Variants in RXRA observed in about 807,000 individuals in gnomAD.
RXRA encodes the protein retinoic acid receptor RXR-alpha.
Under a neutral mutation model 44.5 loss-of-function variants are expected in RXRA, and 5 were observed. That is an observed-to-expected ratio of 0.11 (90% CI 0.06 to 0.24). The LOEUF (loss-of-function observed/expected upper bound fraction) is 0.24, where lower values mean the gene tolerates loss of function less well. Among genes scored for constraint, RXRA ranks in the 10% least tolerant of loss-of-function variants. The probability of loss-of-function intolerance (pLI) is 1.00; values close to 1 mark genes in which losing one functional copy is unlikely to be tolerated. For missense variants in RXRA, 412 were observed against 646.5 expected (o/e 0.64, Z 3.93); for synonymous variants, 291 against 271.4 (o/e 1.07, Z -0.71).
intron 1 of RXRA, among the ~76,000 whole-genome samples, chr9:134,338,146 T>C (rs1179570625): frequency 1.3e-5 from 2 of 152,008 alleles, no homozygotes; most frequent in African/African-American, 4.8e-5. Context: ...GGGACAGAGG[T>C]GTCAGGAGCC....
intron 1 of RXRA, among the ~76,000 whole-genome samples, chr9:134,367,454 G>A (rs1830428755): frequency 6.6e-6 from 1 of 152,236 alleles, no homozygotes; most frequent in Admixed American, 6.5e-5. Flanking sequence ...CCCACATGCA[G>A]GGACGACGTG....
chr9:134,396,966 G>C (rs1830889312), intron 1 of RXRA, among the ~76,000 whole-genome samples: 1 of 152,160 alleles, frequency 6.6e-6, no homozygotes, highest in Non-Finnish European at 1.5e-5. Context: ...GAGTCCTGAG[G>C]GCTCACCCCC....
intron 1 of RXRA, among the ~76,000 whole-genome samples, chr9:134,387,505 T>C (rs1437730648): frequency 6.6e-6 from 1 of 152,204 alleles, no homozygotes; most frequent in Non-Finnish European, 1.5e-5. Flanking sequence ...AATTTGTAAA[T>C]ATTTAGCCCA....
rs776294604 is a variant in RXRA at position 134,417,241 on chromosome 9, G to A, written c.694G>A (p.Val232Met). The change falls in exon 5 of 10, where the codon GTG (valine) becomes ATG (methionine). Residue 232 changes from valine to methionine, a missense_variant. Physicochemically the swap from Val to Met is conservative, Grantham distance 21. This residue lies in a region of RXRA where 67 missense variants were observed against 78.7 expected (regional missense o/e 0.85). Coordinates refer to ENST00000481739, the MANE Select transcript of RXRA (RefSeq NM_002957.6). This position sits in a 1 kb window ranked among gnomAD's most constrained non-coding sequence, Gnocchi z 6.1. ...CAGCAGCGCCAACGAGGACATGCCG[G>A]TGGAGAGGATCCTGGAGGCTGAGCT... ...STSSANEDMP[V>M]ERILEAELAV... The A allele has an allele frequency of 3.1e-6, 5 of 1,613,852 alleles. No individual in the cohort carries two copies. Among genetic ancestry groups the A allele is most frequent in the Non-Finnish European group, 4.2e-6 (5 of 1,179,980 alleles).
intron 6 of RXRA, chr9:134,424,245 C>T: frequency 5.1e-6 from 5 of 985,408 alleles, no homozygotes; most frequent in Non-Finnish European, 6.0e-6. Flanking sequence ...CTTCCCTTAG[C>T]CCAGAGCCCT....
At chr9:134,423,445 G>C in intron 6 of RXRA, 1 of 985,454 alleles carries the variant, frequency 1.0e-6, no homozygotes, top group Non-Finnish European at 1.2e-6. Flanking sequence ...AGCCAGAGAC[G>C]GGCTCCCTGT....
chr9:134,393,938 C>T (rs1588284069), intron 1 of RXRA, among the ~76,000 whole-genome samples: 1 of 152,038 alleles, frequency 6.6e-6, no homozygotes, highest in African/African-American at 2.4e-5. Flanking sequence ...TCCTATTCTT[C>T]CTTCTGCCGC....
intron 1 of RXRA, among the ~76,000 whole-genome samples, chr9:134,352,530 T>G (rs1214266767): frequency 6.6e-6 from 1 of 152,160 alleles, no homozygotes; most frequent in Non-Finnish European, 1.5e-5. Flanking sequence ...CACCCGGCAG[T>G]GTGCAGACTG....
At chr9:134,399,272 T>G (rs1830925544) in intron 1 of RXRA, among the ~76,000 whole-genome samples, 1 of 152,258 alleles carries the variant, frequency 6.6e-6, no homozygotes, top group East Asian at 1.9e-4. Flanking sequence ...TAGGGGCAGC[T>G]GCAGGTTTCT....
chr9:134,391,760 C>T (rs1202718607), intron 1 of RXRA, among the ~76,000 whole-genome samples: 1 of 152,186 alleles, frequency 6.6e-6, no homozygotes, highest in Non-Finnish European at 1.5e-5. Flanking sequence ...GTCTGGCCAC[C>T]CTGGTGGTCG....
chr9:134,367,473 C>T (rs914028774), intron 1 of RXRA, among the ~76,000 whole-genome samples: 12 of 152,358 alleles, frequency 7.9e-5, no homozygotes, highest in African/African-American at 2.6e-4. Flanking sequence ...TGCCAGGGCC[C>T]GCTGTGTGCC....
intron 2 of RXRA, chr9:134,404,889 G>C (rs1375335864): frequency 6.6e-6 from 1 of 152,400 alleles, no homozygotes; most frequent in African/African-American, 2.4e-5. Flanking sequence ...AGAGAGCCAA[G>C]AGACGGGCAG....
At chr9:134,424,116 TG>T (rs1253984427) in intron 6 of RXRA, 1 of 980,682 alleles carries the variant, frequency 1.0e-6, no homozygotes. Flanking sequence ...AGGGCCTGCG[TG>T]GGGTGGTCGT....
rs1277199069 is a variant in RXRA at position 134,365,284 on chromosome 9, C to T, written c.29-36348C>T. On this transcript the variant is annotated intron_variant, in intron 1 of 9. Coordinates refer to ENST00000481739, the MANE Select transcript of RXRA (RefSeq NM_002957.6). The surrounding 1 kb of genome is among the most constrained non-coding windows in gnomAD (Gnocchi z 4.0). ...ATCACAGCCCCAGCCTGCAGGCGCT[C>T]GAGCTGAAAGCCCTCGCCCCTCGTG... 6.6e-6 allele frequency among the ~76,000 whole-genome samples: 1 copy of T among 152,236 alleles called. No individual in the cohort carries two copies. The highest frequency in any genetic ancestry group is 2.4e-5 in the African/African-American group (1 of 41,456).
intron 4 of RXRA, among the ~76,000 whole-genome samples, 176 bp downstream of exon 4, chr9:134,409,295 A>G (rs576914776): frequency 4.6e-5 from 7 of 152,126 alleles, no homozygotes; most frequent in Non-Finnish European, 1.0e-4. Flanking sequence ...TGCGGCCCAG[A>G]GCGTGGGCAC....
chr9:134,433,952 G>T lies in RXRA; in HGVS notation c.1136-150G>T. 1 of 594,916 alleles carries T rather than the reference G, an allele frequency of 1.7e-6. No homozygotes were observed. The highest frequency in any genetic ancestry group is 2.9e-5 in the Admixed American group (1 of 34,340). The allele number at this position is 594,916 out of a possible 1,614,324, so 36.9% of individuals were successfully genotyped here. A position where few individuals can be genotyped will look rare whatever the true frequency, so the allele number is the denominator to read the frequency against. ...CCCTGCCACCAGGCTCTGGGGGAGC[G>T]GGCGGAGGCATGTCCAGCGGCATTC... On this transcript the variant is annotated intron_variant, in intron 8 of 9. Coordinates refer to ENST00000481739, the MANE Select transcript of RXRA (RefSeq NM_002957.6). The surrounding 1 kb of genome is among the most constrained non-coding windows in gnomAD (Gnocchi z 4.2).
rs1294545068 is a variant in RXRA at position 134,425,573 on chromosome 9, G to T, written c.911-3535G>T. The T allele has an allele frequency of 7.5e-5, 61 of 814,768 alleles. No individual in the cohort carries two copies. In the African/African-American group the frequency reaches 1.0e-3, roughly 14 times the overall value. 50.5% of individuals were successfully genotyped at this position (814,768 alleles called of 1,614,324 possible). A position where few individuals can be genotyped will look rare whatever the true frequency, so the allele number is the denominator to read the frequency against. ...GGGGGTGGGGGGGGGTGAGGGGGGT[G>T]GGGGGAATGGAAGTGGGCGGGCCTT... On this transcript the variant is annotated intron_variant, in intron 6 of 9. Coordinates refer to ENST00000481739, the MANE Select transcript of RXRA (RefSeq NM_002957.6).
intron 4 of RXRA, among the ~76,000 whole-genome samples, chr9:134,412,280 T>C (rs3118524): frequency 0.74 from 113,362 of 152,226 alleles, 42,504 homozygotes; most frequent in African/African-American, 0.83. Context: ...GGCCCCCTGG[T>C]GGGCAGCTCC....
intron 4 of RXRA, among the ~76,000 whole-genome samples, chr9:134,409,643 C>G (rs546145279): frequency 6.6e-6 from 1 of 152,226 alleles, no homozygotes; most frequent in Non-Finnish European, 1.5e-5. Context: ...AGACCTGGGT[C>G]GGAGTCCCGG....
Sources: allele counts gnomAD v4.1 joint callset (sites outside exome capture counted in the v4.1 genomes callset), GRCh38; gene constraint gnomAD v4.1.1; regional missense constraint gnomAD v4.1.1; non-coding constraint Gnocchi (gnomAD v3.1); transcripts MANE v1.5; gene names NCBI Gene and HGNC (gene_info 2026-07-23, HGNC 2026-07-21).